The following MACROD2 variants were observed in gnomAD, a reference collection of about 807,000 sequenced individuals.
MACROD2 encodes mono-ADP ribosylhydrolase 2, also known as ADP-ribose glycohydrolase MACROD2.
A neutral mutation model predicts 70.4 loss-of-function variants in MACROD2; 36 were observed. That is an observed-to-expected ratio of 0.51 (90% CI 0.39 to 0.68). The LOEUF (loss-of-function observed/expected upper bound fraction) is 0.68. Among genes scored for constraint, MACROD2 ranks in the 30% least tolerant of loss-of-function variants. The pLI is 0.00. For missense variants in MACROD2, 496 were observed against 538.4 expected (o/e 0.92, Z 0.78); for synonymous variants, 172 against 178.8 (o/e 0.96, Z 0.30).
At position 15,054,850 on chromosome 20, in the gene MACROD2, C is replaced by T. The variant is rs551428905; in HGVS notation, c.419-175090C>T. ...CCAGGCTGGAGTGCAATGGCATGATCTCCGCTCACTGCAACCTCCGTCTCC... is the reference window on the plus strand; with the variant it reads ...CCAGGCTGGAGTGCAATGGCATGATTTCCGCTCACTGCAACCTCCGTCTCC... On this transcript the variant is annotated intron_variant, in intron 5 of 17. Coordinates refer to ENST00000684519, the MANE Select transcript of MACROD2 (RefSeq NM_001351661.2). Among the ~76,000 whole-genome samples, 13 of 152,062 alleles carry T rather than the reference C, an allele frequency of 8.5e-5. 1 individual carries two copies. Among genetic ancestry groups the T allele is most frequent in the Non-Finnish European group, 1.8e-4 (12 of 68,010 alleles).
At chr20:14,808,259 A>C (rs2072664692) in intron 5 of MACROD2, among the ~76,000 whole-genome samples, 1 of 152,108 alleles carries the variant, frequency 6.6e-6, no homozygotes, top group South Asian at 2.1e-4. Flanking sequence ...TACAATACAG[A>C]AGAGAGTGGG....
chr20:14,525,542 A>G (rs1249604585), intron 4 of MACROD2, among the ~76,000 whole-genome samples: 6 of 152,240 alleles, frequency 3.9e-5, no homozygotes, highest in Non-Finnish European at 2.9e-5. Flanking sequence ...TGAATAAATG[A>G]TAAAGCTAAG....
chr20:14,714,057 A>G (rs2071368811), intron 5 of MACROD2, among the ~76,000 whole-genome samples: 1 of 152,170 alleles, frequency 6.6e-6, no homozygotes, highest in African/African-American at 2.4e-5. Flanking sequence ...ACTTTGGACA[A>G]AGTGGGGCTC....
chr20:15,677,691 CCAACCAACCAA>C (rs935909587), intron 8 of MACROD2, among the ~76,000 whole-genome samples: 10 of 16,972 alleles, frequency 5.9e-4, no homozygotes, highest in African/African-American at 2.2e-3. Context: ...AACCAACCAA[CCAACCAACCAA>C]CCAAATACAT....
At chr20:14,365,297 C>T (rs1352014699) in intron 3 of MACROD2, among the ~76,000 whole-genome samples, 1 of 151,226 alleles carries the variant, frequency 6.6e-6, no homozygotes, top group African/African-American at 2.4e-5. Context: ...TTTTATTTCT[C>T]TAAGATTGAG....
chr20:14,790,431 T>A (rs1312010719), intron 5 of MACROD2, among the ~76,000 whole-genome samples: 3 of 151,978 alleles, frequency 2.0e-5, no homozygotes, highest in African/African-American at 7.3e-5. Flanking sequence ...GGTACTTCCA[T>A]AAAAGGGATG....
chr20:15,100,378 A>T (rs959100889), intron 5 of MACROD2, among the ~76,000 whole-genome samples: 3 of 152,190 alleles, frequency 2.0e-5, no homozygotes, highest in South Asian at 4.1e-4. Flanking sequence ...CTTAAAATAC[A>T]TATCAGTATC....
At chr20:15,317,879 A>G (rs1307390660) in intron 6 of MACROD2, among the ~76,000 whole-genome samples, 2 of 152,110 alleles carry the variant, frequency 1.3e-5, no homozygotes, top group Non-Finnish European at 2.9e-5. Context: ...AATCTCATCC[A>G]GAGACACTGT....
chr20:14,646,924 T>C (rs1985424772), intron 4 of MACROD2, among the ~76,000 whole-genome samples: 1 of 152,088 alleles, frequency 6.6e-6, no homozygotes, highest in Non-Finnish European at 1.5e-5. Flanking sequence ...CATATAAATA[T>C]GTGCGGGTGT....
At chr20:14,077,908 T>C (rs1296658769) in intron 2 of MACROD2, among the ~76,000 whole-genome samples, 1 of 150,972 alleles carries the variant, frequency 6.6e-6, no homozygotes, top group African/African-American at 2.4e-5. Context: ...TTTTTTTTTT[T>C]TTTTCTTTTT....
At chr20:15,791,837 G>A (rs1374012633) in intron 8 of MACROD2, among the ~76,000 whole-genome samples, 1 of 151,964 alleles carries the variant, frequency 6.6e-6, no homozygotes, top group Admixed American at 6.6e-5. Context: ...ATTATACATT[G>A]ACAAACTGAC....
At chr20:15,469,537 C>A (rs2046937783) in intron 7 of MACROD2, among the ~76,000 whole-genome samples, 1 of 152,056 alleles carries the variant, frequency 6.6e-6, no homozygotes. Flanking sequence ...TAGGCAGGGT[C>A]ATGCCTGGCA....
chr20:15,393,815 G>A (rs1055349449), intron 6 of MACROD2, among the ~76,000 whole-genome samples: 6 of 151,962 alleles, frequency 3.9e-5, no homozygotes, highest in African/African-American at 1.5e-4. Flanking sequence ...CTGCCTTCTT[G>A]ATTGCTCTCT....
chr20:14,051,839 C>G, intron 2 of MACROD2: 1 of 486,360 alleles, frequency 2.1e-6, no homozygotes, highest in Admixed American at 2.2e-5. Context: ...AAGGCCCATC[C>G]TTTTTGTGAG....
At chr20:15,993,651 A>C (rs1310926417) in intron 15 of MACROD2, among the ~76,000 whole-genome samples, 1 of 152,152 alleles carries the variant, frequency 6.6e-6, no homozygotes, top group African/African-American at 2.4e-5. Context: ...GGCTATATGG[A>C]TATACACATG....
At chr20:15,665,695 ATGG>A (rs1184174525) in intron 8 of MACROD2, among the ~76,000 whole-genome samples, 2 of 152,202 alleles carry the variant, frequency 1.3e-5, no homozygotes, top group Non-Finnish European at 2.9e-5. Flanking sequence ...GGGAAGGAAG[ATGG>A]TGCATCAAGC....
chr20:15,930,467 CCTT>C (rs562152219), intron 10 of MACROD2, among the ~76,000 whole-genome samples: 37 of 152,298 alleles, frequency 2.4e-4, no homozygotes, highest in Middle Eastern at 6.8e-3. Flanking sequence ...GGAAAATAAG[CCTT>C]CTACATTGGT....
intron 4 of MACROD2, among the ~76,000 whole-genome samples, chr20:14,606,719 T>G (rs191468123): frequency 5.3e-5 from 8 of 152,268 alleles, no homozygotes; most frequent in African/African-American, 1.2e-4. Flanking sequence ...TAAAATTTTT[T>G]TGTGTGTGTG....
intron 8 of MACROD2, among the ~76,000 whole-genome samples, chr20:15,515,560 A>G (rs1476584831): frequency 6.6e-6 from 1 of 152,258 alleles, no homozygotes; most frequent in Non-Finnish European, 1.5e-5. Context: ...CACTGACTCA[A>G]GGACTGCAAT....
Sources: allele counts gnomAD v4.1 joint callset (sites outside exome capture counted in the v4.1 genomes callset), GRCh38; gene constraint gnomAD v4.1.1; transcripts MANE v1.5; gene names NCBI Gene and HGNC (gene_info 2026-07-23, HGNC 2026-07-21).